Variants in CTNNA2 observed in about 807,000 individuals in gnomAD.
The protein encoded by CTNNA2 is catenin alpha 2.
In CTNNA2, 42 loss-of-function variants were observed where a neutral mutation model predicts 101.0. The ratio of observed to expected loss-of-function variants is 0.42; its 90% CI spans 0.32 to 0.54. The LOEUF (loss-of-function observed/expected upper bound fraction) is 0.54, where lower values mean the gene tolerates loss of function less well. CTNNA2 is among the 20% of genes least tolerant of loss of function. The pLI is 0.14. For missense variants in CTNNA2, 871 were observed against 1,223.1 expected (o/e 0.71, Z 4.29); for synonymous variants, 450 against 456.4 (o/e 0.99, Z 0.18).
At chr2:79,918,482 T>C (rs2916522) in intron 7 of CTNNA2, among the ~76,000 whole-genome samples, 54,769 of 151,996 alleles carry the variant, frequency 0.36, 10,007 homozygotes, top group South Asian at 0.43. Flanking sequence ...AATGAAACCA[T>C]TGGGGTTTGA....
At chr2:79,738,620 A>T (rs911237902) in intron 2 of CTNNA2, among the ~76,000 whole-genome samples, 4 of 152,220 alleles carry the variant, frequency 2.6e-5, no homozygotes, top group Non-Finnish European at 5.9e-5. Context: ...ATTATTGCTA[A>T]GAAAATTAAC....
chr2:79,608,260 T>C (rs942605099), intron 1 of CTNNA2, among the ~76,000 whole-genome samples: 5 of 152,050 alleles, frequency 3.3e-5, no homozygotes, highest in African/African-American at 2.4e-5. Flanking sequence ...AAAAAAGGAA[T>C]TTGTAGTTAG....
chr2:80,589,898 G>GC (rs1487046723), intron 15 of CTNNA2, among the ~76,000 whole-genome samples: 70 of 150,168 alleles, frequency 4.7e-4, no homozygotes, highest in African/African-American at 1.1e-3. Context: ...GTGTGTGTGT[G>GC]TGTGTGTGCG....
intron 2 of CTNNA2, among the ~76,000 whole-genome samples, chr2:79,235,994 C>T (rs1674552654): frequency 1.3e-5 from 2 of 152,196 alleles, no homozygotes; most frequent in African/African-American, 4.8e-5. Context: ...GCAGGTGTGG[C>T]CTGCCTGGCT....
rs190989086 is a variant in CTNNA2 at position 80,635,519 on chromosome 2, A to G, written c.2575-12066A>G. ...AGTGAATTATTTTATATAGCTACAT[A>G]TGTGTCTAACATTTTACTTCAATTT... On this transcript the variant is annotated intron_variant, in intron 18 of 18. Transcript: ENST00000402739. Among the ~76,000 whole-genome samples, 3 of 152,328 alleles carry G rather than the reference A, an allele frequency of 2.0e-5. No homozygotes were observed. The East Asian group carries it at 5.8e-4, about 29-fold the overall frequency.
intron 2 of CTNNA2, among the ~76,000 whole-genome samples, chr2:79,721,470 C>T (rs77279148): frequency 0.034 from 5,227 of 152,260 alleles, 292 homozygotes; most frequent in African/African-American, 0.12. Context: ...CTCCCATTTC[C>T]AATCAACATA....
intron 9 of CTNNA2, among the ~76,000 whole-genome samples, chr2:80,500,387 T>TCATC (rs1435940056): frequency 1.3e-5 from 2 of 152,190 alleles, no homozygotes; most frequent in African/African-American, 2.4e-5. Context: ...ATTCATTCAT[T>TCATC]CATCCATCCA....
chr2:79,955,366 C>A (rs761909835), intron 7 of CTNNA2, among the ~76,000 whole-genome samples: 1 of 152,088 alleles, frequency 6.6e-6, no homozygotes, highest in Non-Finnish European at 1.5e-5. Flanking sequence ...TGAGAGGGAT[C>A]TAAAAAGAAA....
intron 9 of CTNNA2, among the ~76,000 whole-genome samples, chr2:80,432,400 A>G (rs1238067954): frequency 1.3e-5 from 2 of 152,168 alleles, no homozygotes; most frequent in Non-Finnish European, 2.9e-5. Flanking sequence ...TACTGTTTGT[A>G]ATACAAATGC....
intron 7 of CTNNA2, among the ~76,000 whole-genome samples, chr2:80,212,136 C>G (rs1022536092): frequency 3.3e-5 from 5 of 152,138 alleles, no homozygotes; most frequent in African/African-American, 1.2e-4. Flanking sequence ...ATGGGGTTTT[C>G]TAGATATACA....
At chr2:79,960,433 A>G (rs1689550435) in intron 7 of CTNNA2, among the ~76,000 whole-genome samples, 1 of 152,238 alleles carries the variant, frequency 6.6e-6, no homozygotes, top group Non-Finnish European at 1.5e-5. Flanking sequence ...TGTGCTAACT[A>G]GGAGAAAACA....
intron 2 of CTNNA2, among the ~76,000 whole-genome samples, chr2:79,684,698 T>A (rs80018384): frequency 0.031 from 4,721 of 152,308 alleles, 185 homozygotes; most frequent in East Asian, 0.099. Flanking sequence ...AGAATAATTG[T>A]TTTGGAGACG....
At chr2:79,997,404 A>G (rs1008217104) in intron 7 of CTNNA2, among the ~76,000 whole-genome samples, 1 of 152,172 alleles carries the variant, frequency 6.6e-6, no homozygotes, top group Middle Eastern at 3.4e-3. Context: ...AAAGGAAAGG[A>G]AAGAGGAAAG....
At chr2:79,545,071 A>G (rs1304198569) in intron 1 of CTNNA2, among the ~76,000 whole-genome samples, 1 of 152,220 alleles carries the variant, frequency 6.6e-6, no homozygotes, top group Admixed American at 6.5e-5. Context: ...TAAATTCAGC[A>G]TCACATGATA....
At chr2:79,750,714 G>A (rs1284320927) in intron 3 of CTNNA2, among the ~76,000 whole-genome samples, 1 of 151,968 alleles carries the variant, frequency 6.6e-6, no homozygotes, top group East Asian at 1.9e-4. Context: ...AGGCTGGGCA[G>A]AAGAACCACA....
intron 1 of CTNNA2, among the ~76,000 whole-genome samples, chr2:79,556,775 C>A (rs1461604052): frequency 6.6e-6 from 1 of 151,918 alleles, no homozygotes; most frequent in African/African-American, 2.4e-5. Flanking sequence ...CTCTTCGAGT[C>A]TCAGTTTTTA....
intron 3 of CTNNA2, among the ~76,000 whole-genome samples, chr2:79,829,626 T>C (rs1213319283): frequency 6.6e-6 from 1 of 152,088 alleles, no homozygotes; most frequent in African/African-American, 2.4e-5. Flanking sequence ...TTTATTCACC[T>C]GCTTACTCAT....
At chr2:80,001,149 T>G (rs1474930747) in intron 7 of CTNNA2, among the ~76,000 whole-genome samples, 1 of 152,230 alleles carries the variant, frequency 6.6e-6, no homozygotes, top group Admixed American at 6.5e-5. Context: ...TGTAAAATAT[T>G]TAAACTATCA....
chr2:79,934,411 A>C (rs771440240), intron 7 of CTNNA2, among the ~76,000 whole-genome samples: 1 of 152,234 alleles, frequency 6.6e-6, no homozygotes, highest in Non-Finnish European at 1.5e-5. Context: ...TAACTGTGCA[A>C]CTCTACAAAA....
Sources: allele counts gnomAD v4.1 joint callset (sites outside exome capture counted in the v4.1 genomes callset), GRCh38; gene constraint gnomAD v4.1.1; transcripts MANE v1.5; gene names NCBI Gene and HGNC (gene_info 2026-07-23, HGNC 2026-07-21).